Variants in GALK2 observed in about 807,000 individuals in gnomAD.
GALK2 encodes N-acetylgalactosamine kinase.
GALK2 carries 36 observed loss-of-function variants against 52.4 expected under a neutral mutation model. That is an observed-to-expected ratio of 0.69 (90% CI 0.53 to 0.91). The LOEUF (loss-of-function observed/expected upper bound fraction) is 0.91, where lower values mean the gene tolerates loss of function less well. GALK2 is among the 40% of genes least tolerant of loss of function. The pLI is 0.00. For missense variants in GALK2, 579 were observed against 559.1 expected, an observed-to-expected ratio of 1.04 and a Z score of -0.36; for synonymous variants, 176 against 199.1, an observed-to-expected ratio of 0.88 and a Z score of 0.98.
intron 3 of GALK2, among the ~76,000 whole-genome samples, chr15:49,346,805 G>C (rs2041577517): frequency 6.6e-6 from 1 of 152,160 alleles, no homozygotes; most frequent in South Asian, 2.1e-4. Flanking sequence ...TTATACACTA[G>C]AATGCACTTA....
chr15:49,309,201 C>T (rs2035787434), intron 8 of GALK2, among the ~76,000 whole-genome samples: 1 of 152,164 alleles, frequency 6.6e-6, no homozygotes, highest in Non-Finnish European at 1.5e-5. Flanking sequence ...CTTCCCTTAG[C>T]TTCTAACCAC....
chr15:49,241,788 C>A (rs77838158), intron 5 of GALK2, among the ~76,000 whole-genome samples: 9,174 of 152,102 alleles, frequency 0.06, 546 homozygotes, highest in African/African-American at 0.15. Flanking sequence ...GATAATATAC[C>A]TATCTAAGAA....
chr15:49,256,263 T>C (rs1402058960), intron 5 of GALK2, among the ~76,000 whole-genome samples: 1 of 152,194 alleles, frequency 6.6e-6, no homozygotes, highest in Non-Finnish European at 1.5e-5. Context: ...AAGAGGCTGA[T>C]CAGTAGTATA....
At chr15:49,255,461 C>T (rs1345206477) in intron 5 of GALK2, among the ~76,000 whole-genome samples, 1 of 141,968 alleles carries the variant, frequency 7.0e-6, no homozygotes, top group African/African-American at 2.5e-5. Context: ...AATTTTGAAG[C>T]GTCCAGGCCA....
At position 49,328,383 on chromosome 15, in the gene GALK2, T is replaced by C; in HGVS notation, c.*224T>C. Reference sequence around the variant, plus strand: ...TACTATTAAGAGCCAAGATCATGCTTGGACAGATCTTTTAAGAATAACTTA... The same window carrying C: ...TACTATTAAGAGCCAAGATCATGCTCGGACAGATCTTTTAAGAATAACTTA... On this transcript the variant is annotated 3_prime_UTR_variant, in exon 10 of 10. Coordinates refer to ENST00000560031, the MANE Select transcript of GALK2 (RefSeq NM_002044.4). The C allele has an allele frequency of 1.4e-6, 2 of 1,430,742 alleles. No individual in the cohort carries two copies. The highest frequency in any genetic ancestry group is 1.4e-5 in the African/African-American group (1 of 69,760). The allele number at this position is 1,430,742 out of a possible 1,614,324, so 88.6% of individuals were successfully genotyped here.
At chr15:49,331,895 A>T (rs753944085), downstream of GALK2, 1 of 1,102,486 alleles carries the variant, frequency 9.1e-7, no homozygotes, top group South Asian at 1.3e-5. Context: ...AATTGTCCTT[A>T]TATTGACACC....
intron 5 of GALK2, among the ~76,000 whole-genome samples, chr15:49,275,539 A>G (rs1046389868): frequency 1.3e-5 from 2 of 152,212 alleles, no homozygotes; most frequent in Non-Finnish European, 2.9e-5. Flanking sequence ...GCAGCTGACT[A>G]TAACAGTATA....
intron 8 of GALK2, among the ~76,000 whole-genome samples, chr15:49,294,480 A>G (rs901420903): frequency 2.0e-5 from 3 of 152,190 alleles, no homozygotes; most frequent in Admixed American, 1.3e-4. Context: ...TGTGTGTTGT[A>G]TAGGTAATGT....
At chr15:49,275,784 C>T (rs1471728265) in intron 5 of GALK2, among the ~76,000 whole-genome samples, 1 of 152,090 alleles carries the variant, frequency 6.6e-6, no homozygotes, top group Non-Finnish European at 1.5e-5. Flanking sequence ...ATCTTTCGCC[C>T]TTCTCAGTGC....
chr15:49,311,207 CTG>C (rs1158093699), intron 8 of GALK2, among the ~76,000 whole-genome samples: 27 of 152,220 alleles, frequency 1.8e-4, no homozygotes, highest in African/African-American at 6.5e-4. Context: ...TTTATGGAAT[CTG>C]TGTGTATGTT....
intron 5 of GALK2, among the ~76,000 whole-genome samples, chr15:49,259,592 ATTATAC>A (rs2091993244): frequency 1.5e-5 from 2 of 131,470 alleles, no homozygotes; most frequent in Admixed American, 1.6e-4. Flanking sequence ...TTTAATTATT[ATTATAC>A]TTTAAGTTTT....
intron 1 of GALK2, among the ~76,000 whole-genome samples, chr15:49,183,767 C>T (rs916549210): frequency 6.0e-5 from 9 of 150,948 alleles, no homozygotes; most frequent in African/African-American, 1.5e-4. Flanking sequence ...GGCTTGAACC[C>T]GGGAGGCAGA....
rs189653289 is a variant in GALK2, at chr15:49,191,505, C to G, written c.54-9657C>G. Among the ~76,000 whole-genome samples, 29 of 152,176 alleles carry G rather than the reference C, an allele frequency of 1.9e-4. No individual in the cohort carries two copies. In the East Asian group the frequency reaches 5.6e-3, roughly 29 times the overall value. On this transcript the variant is annotated intron_variant, in intron 1 of 9. Transcript: ENST00000560031. ...TTAACATACTTTAAAGAAATTTCTC[C>G]CTTAATGAGTTTGTGTAATATTTCT...
At chr15:49,353,597 G>A (rs534796638) in intron 3 of GALK2, 9 of 147,292 alleles carry the variant, frequency 6.1e-5, no homozygotes, top group Non-Finnish European at 1.0e-4. Flanking sequence ...AATTTTTGAA[G>A]TTGAAGGAAA....
intron 5 of GALK2, among the ~76,000 whole-genome samples, chr15:49,252,254 A>C (rs2091639012): frequency 6.6e-6 from 1 of 152,178 alleles, no homozygotes; most frequent in Non-Finnish European, 1.5e-5. Context: ...TGACAGAGTA[A>C]GACTTCGTCT....
intron 1 of GALK2, among the ~76,000 whole-genome samples, chr15:49,175,062 C>T (rs2085347924): frequency 6.6e-6 from 1 of 152,092 alleles, no homozygotes. Flanking sequence ...TGGGGAAAAG[C>T]TATACATATT....
At chr15:49,274,097 G>A (rs1464423667) in intron 5 of GALK2, among the ~76,000 whole-genome samples, 2 of 152,152 alleles carry the variant, frequency 1.3e-5, no homozygotes, top group Non-Finnish European at 2.9e-5. Flanking sequence ...GAACCTGATG[G>A]GAAGCAGAGA....
intron 1 of GALK2, among the ~76,000 whole-genome samples, chr15:49,175,238 G>C (rs1040670279): frequency 1.3e-4 from 20 of 152,168 alleles, no homozygotes; most frequent in African/African-American, 4.8e-4. Flanking sequence ...TTATAGGCTG[G>C]CTGAAACTAG....
At chr15:49,326,979 G>A (rs2151107031) in intron 9 of GALK2, 1 of 152,168 alleles carries the variant, frequency 6.6e-6, no homozygotes. Context: ...ATTAATCATA[G>A]AGCCTTTAAT....
Sources: gnomAD v4.1 joint callset for allele counts (sites outside exome capture counted in the v4.1 genomes callset) on GRCh38, gnomAD v4.1.1 for gene constraint, MANE v1.5 for transcripts, NCBI Gene and HGNC (gene_info 2026-07-23, HGNC 2026-07-21) for gene names.